Variants in RNF24 observed in about 807,000 individuals in gnomAD.
RNF24 encodes ring finger protein 24.
RNF24 carries 14 observed loss-of-function variants against 20.0 expected under a neutral mutation model. The observed-to-expected ratio is 0.70, with a 90% CI of 0.46 to 1.10. The LOEUF (loss-of-function observed/expected upper bound fraction) is 1.10, where lower values mean the gene tolerates loss of function less well. Among genes scored for constraint, RNF24 ranks in the 50% least tolerant of loss-of-function variants. RNF24 has a pLI of 0.00. For synonymous variants in RNF24, 45 were observed against 61.1 expected, an observed-to-expected ratio of 0.74 and a Z score of 1.23; for missense variants, 124 against 177.6, an observed-to-expected ratio of 0.70 and a Z score of 1.71.
intron 2 of RNF24, among the ~76,000 whole-genome samples, chr20:3,954,898 C>CA (rs778645873): frequency 0.013 from 1,564 of 116,166 alleles, 12 homozygotes; most frequent in Middle Eastern, 0.032. Flanking sequence ...GACTCCATCT[C>CA]AAGAAAAAAA....
intron 1 of RNF24, among the ~76,000 whole-genome samples, chr20:4,010,048 CACAAACAAACAA>C (rs11468648): frequency 0.028 from 4,091 of 147,304 alleles, 63 homozygotes; most frequent in African/African-American, 0.044. Context: ...GAGACCCTGT[CACAAACAAACAA>C]ACAAACAAAC....
chr20:3,974,980 G>T lies in RNF24; in HGVS notation c.-7-10956C>A, dbSNP rs376616218. On this transcript the variant is annotated intron_variant, in intron 1 of 5. Transcript: ENST00000358395. Reference sequence around the variant, plus strand: ...AATTTTGAAAAAAGAAGACTAAAGGGAGAGGAATCAGTCTATTCAATGTAA... The same window carrying T: ...AATTTTGAAAAAAGAAGACTAAAGGTAGAGGAATCAGTCTATTCAATGTAA... 3.9e-5 allele frequency among the ~76,000 whole-genome samples: 6 copies of T among 152,002 alleles called. No homozygotes were observed. In the South Asian group the frequency reaches 1.2e-3, roughly 32 times the overall value.
chr20:3,933,928 C>T lies in RNF24; in HGVS notation c.*135G>A, dbSNP rs1432501222. ...ACACCTAGGTTCCCAGTTTGGCTGG[C>T]CCAAGAGTTCTTCATGAGGCAAAAG... On this transcript the variant is annotated 3_prime_UTR_variant, in exon 6 of 6. Transcript: ENST00000358395. The T allele has an allele frequency of 1.1e-6, 1 of 913,288 alleles. No homozygotes were observed. The allele number at this position is 913,288 out of a possible 1,614,324, so 56.6% of individuals were successfully genotyped here.
At chr20:3,939,787 T>C (rs2090933635) in intron 4 of RNF24, among the ~76,000 whole-genome samples, 1 of 152,198 alleles carries the variant, frequency 6.6e-6, no homozygotes. Flanking sequence ...ACTTTGGATA[T>C]TACTGCCAAC....
chr20:3,955,482 T>C (rs932959641), intron 2 of RNF24, among the ~76,000 whole-genome samples: 3 of 152,242 alleles, frequency 2.0e-5, no homozygotes, highest in African/African-American at 7.2e-5. Flanking sequence ...TTCTATTTTA[T>C]TGGTTTATAT....
chr20:3,988,306 A>G (rs1165851256), intron 1 of RNF24, among the ~76,000 whole-genome samples: 2 of 152,158 alleles, frequency 1.3e-5, no homozygotes, highest in Non-Finnish European at 2.9e-5. Context: ...CCTGGGTGAC[A>G]GAGAATGATC....
rs2090807664 is a variant in RNF24, at chr20:3,930,502, T to C, written c.*3561A>G. ...CCACAAGAGGTGCCAGGGACGTTAC[T>C]ACAATCCCTGGGTGGTAGCTAAGGA... On this transcript the variant is annotated 3_prime_UTR_variant, in exon 6 of 6. Transcript: ENST00000358395. The C allele has an allele frequency of 6.6e-6, 1 of 152,144 alleles. No homozygotes were observed. Among genetic ancestry groups the C allele is most frequent in the African/African-American group, 2.4e-5 (1 of 41,370 alleles). 9.4% of individuals were successfully genotyped at this position (152,144 alleles called of 1,614,324 possible).
chr20:3,948,567 T>A (rs1026148778), intron 2 of RNF24, among the ~76,000 whole-genome samples: 11 of 152,112 alleles, frequency 7.2e-5, no homozygotes, highest in Non-Finnish European at 8.8e-5. Flanking sequence ...TTAGAAAAAA[T>A]TTAAGTATAA....
intron 3 of RNF24, among the ~76,000 whole-genome samples, chr20:3,947,263 A>C (rs548798684): frequency 6.6e-6 from 1 of 152,380 alleles, no homozygotes; most frequent in East Asian, 1.9e-4. Flanking sequence ...CAGCAAGGTT[A>C]AAGACTCAAA....
At chr20:3,971,990 G>A (rs1393126553) in intron 1 of RNF24, among the ~76,000 whole-genome samples, 1 of 152,076 alleles carries the variant, frequency 6.6e-6, no homozygotes, top group Non-Finnish European at 1.5e-5. Flanking sequence ...TCAAAAGAAA[G>A]CAGGAGTGGC....
intron 4 of RNF24, among the ~76,000 whole-genome samples, chr20:3,941,666 T>C (rs1251194475): frequency 2.6e-5 from 4 of 152,044 alleles, no homozygotes; most frequent in African/African-American, 9.7e-5. Context: ...TGAATGTAAA[T>C]GATCTATACA....
At chr20:3,946,453 TCAAAA>T (rs750605323) in intron 3 of RNF24, among the ~76,000 whole-genome samples, 3 of 147,226 alleles carry the variant, frequency 2.0e-5, no homozygotes, top group East Asian at 2.0e-4. Context: ...AGACCCTGTC[TCAAAA>T]CAAAACAAAA....
chr20:3,937,053 GCTCTCGAT>G (rs1225118211), intron 4 of RNF24, among the ~76,000 whole-genome samples: 1 of 152,064 alleles, frequency 6.6e-6, no homozygotes, highest in Non-Finnish European at 1.5e-5. Flanking sequence ...TGGCCAAGAT[GCTCTCGAT>G]CTCTTGACCT....
chr20:3,974,230 A>G, intron 1 of RNF24: 2 of 1,200,956 alleles, frequency 1.7e-6, no homozygotes, highest in Non-Finnish European at 2.3e-6. Flanking sequence ...CAACATGTTA[A>G]AAAGCATCTA....
At chr20:4,013,966 C>T (rs1982669675) in intron 1 of RNF24, among the ~76,000 whole-genome samples, 2 of 152,194 alleles carry the variant, frequency 1.3e-5, no homozygotes, top group African/African-American at 4.8e-5. Context: ...CTGGTGTTAT[C>T]CCAATAGCCT....
In RNF24 at chr20:3,929,037, G is replaced by A. The variant is rs1254096980; in HGVS notation, c.*5026C>T. On this transcript the variant is annotated 3_prime_UTR_variant, in exon 6 of 6. Coordinates refer to ENST00000358395, the MANE Select transcript of RNF24 (RefSeq NM_001134337.3). ...CAAATTTTTGTATTTTTAGTAGAGG[G>A]GGTTTCACCATATTGGTCAGGCTGG... 1.3e-5 allele frequency: 2 copies of A among 151,970 alleles called. 1 individual carries two copies. Among genetic ancestry groups the A allele is most frequent in the Non-Finnish European group, 2.9e-5 (2 of 68,044 alleles). 9.4% of individuals were successfully genotyped at this position (151,970 alleles called of 1,614,324 possible).
intron 1 of RNF24, among the ~76,000 whole-genome samples, chr20:3,972,907 T>A (rs1373312351): frequency 1.6e-5 from 2 of 125,810 alleles, no homozygotes; most frequent in Admixed American, 8.1e-5. Context: ...CGTCTCAGTT[T>A]AAAAAAAAAA....
chr20:3,937,737 C>T (rs372652569), intron 4 of RNF24, among the ~76,000 whole-genome samples: 1 of 152,122 alleles, frequency 6.6e-6, no homozygotes, highest in African/African-American at 2.4e-5. Flanking sequence ...GGCTTCTTTC[C>T]CTTAGCATAA....
At chr20:3,969,777 T>TG (rs1189007010) in intron 1 of RNF24, among the ~76,000 whole-genome samples, 2 of 150,572 alleles carry the variant, frequency 1.3e-5, no homozygotes, top group South Asian at 2.1e-4. Flanking sequence ...AAATCTGTTT[T>TG]TTTTTTTTTT....
Sources: gnomAD v4.1 joint callset for allele counts (sites outside exome capture counted in the v4.1 genomes callset) on GRCh38, gnomAD v4.1.1 for gene constraint, MANE v1.5 for transcripts, NCBI Gene and HGNC (gene_info 2026-07-23, HGNC 2026-07-21) for gene names.